ATL1: variants seen among roughly 807,000 people sequenced by gnomAD.
ATL1 encodes atlastin-1.
In ATL1, 31 loss-of-function variants were observed where a neutral mutation model predicts 75.5. That is an observed-to-expected ratio of 0.41 (90% confidence interval 0.31 to 0.55). The LOEUF (loss-of-function observed/expected upper bound fraction) is 0.55, where lower values mean the gene tolerates loss of function less well. Ranked by LOEUF, ATL1 falls within the 20% of genes least tolerant of loss-of-function variation. ATL1 has a pLI of 0.27. For missense variants in ATL1, 405 were observed against 662.6 expected (o/e 0.61, Z 4.27); for synonymous variants, 226 against 233.3 (o/e 0.97, Z 0.28).
At chr14:50,543,295 G>C (rs1396210634) in intron 1 of ATL1, among the ~76,000 whole-genome samples, 1 of 152,216 alleles carries the variant, frequency 6.6e-6, no homozygotes, top group Admixed American at 6.5e-5. Context: ...GTATGATACT[G>C]TTCCCTTGAC....
chr14:50,625,567 G>T (rs1186423936), intron 11 of ATL1, among the ~76,000 whole-genome samples: 5 of 152,154 alleles, frequency 3.3e-5, no homozygotes, highest in African/African-American at 1.2e-4. Context: ...TCTTGTAGCT[G>T]GTGACTTTAA....
At chr14:50,589,492 G>T (rs2039135162) in intron 2 of ATL1, among the ~76,000 whole-genome samples, 1 of 152,012 alleles carries the variant, frequency 6.6e-6, no homozygotes, top group African/African-American at 2.4e-5. Flanking sequence ...TTCAGGGAAG[G>T]GCATATTGTA....
At chr14:50,556,859 T>C (rs937701649), upstream of ATL1, among the ~76,000 whole-genome samples, 12 of 152,248 alleles carry the variant, frequency 7.9e-5, no homozygotes, top group African/African-American at 2.9e-4. Flanking sequence ...TGTTCTATTA[T>C]ATGGATATAC....
At chr14:50,585,343 A>G (rs1208025595) in intron 1 of ATL1, among the ~76,000 whole-genome samples, 1 of 152,230 alleles carries the variant, frequency 6.6e-6, no homozygotes, top group Admixed American at 6.5e-5. Context: ...TTCAGTCTAT[A>G]GAAAGTTATG....
At chr14:50,553,860 C>A (rs1182054320) in intron 1 of ATL1, among the ~76,000 whole-genome samples, 3 of 152,026 alleles carry the variant, frequency 2.0e-5, no homozygotes. Flanking sequence ...AATGGAAAAC[C>A]AAATATTGTA....
chr14:50,565,490 A>AAG, intron 1 of ATL1, among the ~76,000 whole-genome samples: 1 of 151,626 alleles, frequency 6.6e-6, no homozygotes, highest in Non-Finnish European at 1.5e-5. Flanking sequence ...ATCTCAAAAA[A>AAG]AAAAAAATTC....
rs1405636468 is a variant in ATL1 at position 50,562,268 on chromosome 14, T to A, written c.34+1969T>A. Among the ~76,000 whole-genome samples, 3 of 152,192 alleles carry A rather than the reference T, an allele frequency of 2.0e-5. No homozygotes were observed. The East Asian group carries it at 5.8e-4, about 29-fold the overall frequency. ...ACCATGTTAGCCAGGATGGTTTCGA[T>A]CTCCTGACCTCGTGATCCGCCCGCC... On this transcript the variant is annotated intron_variant, in intron 1 of 13. Coordinates refer to ENST00000358385, the MANE Select transcript of ATL1 (RefSeq NM_015915.5).
At chr14:50,613,879 T>C (rs2039389975) in intron 7 of ATL1, among the ~76,000 whole-genome samples, 2 of 152,162 alleles carry the variant, frequency 1.3e-5, no homozygotes, top group Non-Finnish European at 2.9e-5. Context: ...CTATCAAATA[T>C]GTATTTACAT....
In ATL1 at chr14:50,591,846, T is replaced by A. The variant is rs1040462471; in HGVS notation, c.522+207T>A. On this transcript the variant is annotated intron_variant, in intron 4 of 13. Transcript: ENST00000358385. ...TTTAATTACTGACAAACTTTCAAAT[T>A]GACTGCTTTGGTTAGAAAAGGTCAT... 3 of 531,842 alleles carry A rather than the reference T, an allele frequency of 5.6e-6. No individual in the cohort carries two copies. The African/African-American group carries it at 5.7e-5, about 10-fold the overall frequency. The allele number at this position is 531,842 out of a possible 1,614,324, so 32.9% of individuals were successfully genotyped here. A position where few individuals can be genotyped will look rare whatever the true frequency, so the allele number is the denominator to read the frequency against.
At chr14:50,549,035 AC>A (rs1323406402) in intron 1 of ATL1, among the ~76,000 whole-genome samples, 1 of 152,166 alleles carries the variant, frequency 6.6e-6, no homozygotes, top group African/African-American at 2.4e-5. Flanking sequence ...CCTGTCTACA[AC>A]AAAGGGGTGC....
rs369665618 is a variant in ATL1, at chr14:50,597,982, A to G, written c.630+2350A>G. ...AGTGCTGGGATTACAGGCGTGAGCC[A>G]CCGCACCCGGCCAATAGCGTTTCTT... is the stretch of plus-strand genomic sequence containing the variant. On this transcript the variant is annotated intron_variant, in intron 6 of 13. Transcript: ENST00000358385. 1.1e-3 allele frequency among the ~76,000 whole-genome samples: 174 copies of G among 152,356 alleles called. 2 individuals are homozygous for G. In the South Asian group the frequency reaches 0.033, roughly 29 times the overall value.
chr14:50,581,873 G>C (rs564636001), intron 1 of ATL1, among the ~76,000 whole-genome samples: 3 of 152,230 alleles, frequency 2.0e-5, no homozygotes, highest in South Asian at 4.1e-4. Flanking sequence ...ATTTTTGTCT[G>C]AATTTTAAGG....
At chr14:50,580,828 C>G (rs2039048407) in intron 1 of ATL1, among the ~76,000 whole-genome samples, 1 of 151,972 alleles carries the variant, frequency 6.6e-6, no homozygotes. Flanking sequence ...GGAAGCTGAG[C>G]CTGGAATTTC....
In ATL1 at chr14:50,546,163, T is replaced by A. The variant is rs1603014; in HGVS notation, c.-140+12796T>A. Reference sequence around the variant, plus strand: ...AAAAAAGAGGGTAAAAGAAGTTTTTTAAAAAATCAAACTGCTATGAAAACT... The same window carrying A: ...AAAAAAGAGGGTAAAAGAAGTTTTTAAAAAAATCAAACTGCTATGAAAACT... On this transcript the variant is annotated intron_variant, in intron 1 of 13. Transcript: ENST00000441560. Among the ~76,000 whole-genome samples, 233 of 152,312 alleles carry A rather than the reference T, an allele frequency of 1.5e-3. 1 individual carries two copies. The highest frequency in any genetic ancestry group is 5.1e-3 in the African/African-American group (211 of 41,572).
chr14:50,536,989 T>G (rs1412596747), intron 1 of ATL1, among the ~76,000 whole-genome samples: 2 of 152,236 alleles, frequency 1.3e-5, no homozygotes, highest in Non-Finnish European at 2.9e-5. Context: ...GAAATTTGCA[T>G]AAGTAACGAA....
At chr14:50,629,321 C>T (rs1319873406) in intron 12 of ATL1, among the ~76,000 whole-genome samples, 2 of 152,120 alleles carry the variant, frequency 1.3e-5, no homozygotes, top group Non-Finnish European at 2.9e-5. Flanking sequence ...GTGGCTCACG[C>T]CTGTAATCTC....
At chr14:50,560,653 G>A (rs2038829119) in intron 1 of ATL1, among the ~76,000 whole-genome samples, 1 of 152,388 alleles carries the variant, frequency 6.6e-6, no homozygotes, top group Admixed American at 6.5e-5. Flanking sequence ...GGCTATGGGG[G>A]TGGGCAGGGG....
At chr14:50,569,535 G>C (rs2038936019) in intron 1 of ATL1, among the ~76,000 whole-genome samples, 1 of 151,816 alleles carries the variant, frequency 6.6e-6, no homozygotes, top group African/African-American at 2.4e-5. Flanking sequence ...TTTTTTAAAA[G>C]TATTAGTCTC....
intron 1 of ATL1, among the ~76,000 whole-genome samples, chr14:50,546,728 G>T (rs2038637302): frequency 6.6e-6 from 1 of 152,086 alleles, no homozygotes; most frequent in South Asian, 2.1e-4. Context: ...AAACCAGAAT[G>T]ATCTTTGTTT....
Sources: allele counts gnomAD v4.1 joint callset (sites outside exome capture counted in the v4.1 genomes callset), GRCh38; gene constraint gnomAD v4.1.1; transcripts MANE v1.5; gene names NCBI Gene and HGNC (gene_info 2026-07-23, HGNC 2026-07-21).